The following ZNF683 variants were observed in gnomAD, a reference collection of about 807,000 sequenced individuals.
ZNF683 encodes tissue-resident T-cell transcription regulator protein ZNF683.
Under a neutral mutation model 31.4 loss-of-function variants are expected in ZNF683, and 20 were observed. The observed-to-expected ratio is 0.64, with a 90% CI of 0.45 to 0.93. The LOEUF (loss-of-function observed/expected upper bound fraction) is 0.93, where lower values mean the gene tolerates loss of function less well. Ranked by LOEUF, ZNF683 falls within the 40% of genes least tolerant of loss-of-function variation. The pLI, the probability that ZNF683 is intolerant of heterozygous loss-of-function variation, is 0.00. For missense variants in ZNF683, 621 were observed against 637.2 expected (o/e 0.97, Z 0.27); for synonymous variants, 264 against 267.6 (o/e 0.99, Z 0.13).
At chr1:26,370,864 C>T (rs114912413) in intron 1 of ZNF683, 9,556 of 291,878 alleles carry the variant, frequency 0.033, 228 homozygotes, top group Middle Eastern at 0.066. Context: ...ACTATCCACT[C>T]AGCTTTGCCT....
At chr1:26,367,564 G>T (rs754064341) in intron 3 of ZNF683, 29 bp downstream of exon 3, 13 of 1,525,608 alleles carry the variant, frequency 8.5e-6, no homozygotes, top group Admixed American at 6.3e-5. Flanking sequence ...TCTGCCAGGC[G>T]CAGGTGCAGC....
intron 1 of ZNF683, chr1:26,370,535 TA>T: frequency 1.7e-6 from 1 of 587,450 alleles, no homozygotes; most frequent in Non-Finnish European, 2.1e-6. Flanking sequence ...CCTCAGACCC[TA>T]AGACCCTCAC....
rs2074566557 is a variant in ZNF683 at position 26,367,813 on chromosome 1, A to G, written c.115-16T>C. 3 of 1,552,684 alleles carry G rather than the reference A, an allele frequency of 1.9e-6. No homozygotes were observed. Among genetic ancestry groups the G allele is most frequent in the East Asian group, 2.3e-5 (1 of 42,898 alleles). On this transcript the variant is annotated splice_polypyrimidine_tract_variant and intron_variant, in intron 2 of 5. Transcript: ENST00000349618. ...CTGAGAAGACCTGGAGGGCAGGGGCAAGGGGCTTGGGGGCTGGTGACTGGG... is the reference window on the plus strand; with the variant it reads ...CTGAGAAGACCTGGAGGGCAGGGGCGAGGGGCTTGGGGGCTGGTGACTGGG...
At chr1:26,374,268 C>A (rs2124228864), upstream of ZNF683, 1 of 1,304,256 alleles carries the variant, frequency 7.7e-7, no homozygotes, top group Non-Finnish European at 1.0e-6. Context: ...CAAGGCACTT[C>A]CCCACACACC....
At chr1:26,374,012 C>T (rs931522747), upstream of ZNF683, among the ~76,000 whole-genome samples, 9 of 151,720 alleles carry the variant, frequency 5.9e-5, 1 homozygote, top group East Asian at 1.9e-4. Context: ...TCCCCCACTA[C>T]GACAGCCACC....
chr1:26,369,340 C>T lies in ZNF683; in HGVS notation c.-14-755G>A, dbSNP rs112687302. 5.9e-3 allele frequency among the ~76,000 whole-genome samples: 898 copies of T among 152,248 alleles called. 2 individuals carry two copies. Among genetic ancestry groups the T allele is most frequent in the African/African-American group, 0.021 (853 of 41,540 alleles). The stretch of plus-strand genomic sequence containing the variant: ...AGGAGTTCGAGACCAGCCTGGCTAA[C>T]ATGGTGAAACCCCCATCTCTACTAA... On this transcript the variant is annotated intron_variant, in intron 1 of 5. Coordinates refer to ENST00000349618, the MANE Select transcript of ZNF683 (RefSeq NM_001114759.3).
Position 26,363,032 on chromosome 1 carries a change from C to T in ZNF683, c.1137G>A (p.Lys379=), listed in dbSNP as rs1407002765. 2.5e-5 allele frequency: 40 copies of T among 1,610,494 alleles called. No individual in the cohort carries two copies. The highest frequency in any genetic ancestry group is 3.4e-5 in the Non-Finnish European group (40 of 1,178,200). The change falls in exon 5 of 6, where the codon AAG becomes AAA. Residue 379 remains lysine (K), a synonymous_variant. Transcript: ENST00000349618. ...HLVHTGERPH[K]CSVCHKRFSS... is the part of the protein sequence containing the mutation. ...AGGGGGAGAAGGATCTCACCGAGCACTTGTGGGGCCGCTCCCCAGTGTGCA... is the reference window on the plus strand; with the variant it reads ...AGGGGGAGAAGGATCTCACCGAGCATTTGTGGGGCCGCTCCCCAGTGTGCA...
intron 5 of ZNF683, among the ~76,000 whole-genome samples, chr1:26,362,555 G>A (rs1325896169): frequency 6.6e-6 from 1 of 152,134 alleles, no homozygotes; most frequent in Non-Finnish European, 1.5e-5. Flanking sequence ...GCAGAGCTAG[G>A]ATTTGAACAC....
At chr1:26,374,423 C>A (rs1057433666), upstream of ZNF683, 1 of 1,207,864 alleles carries the variant, frequency 8.3e-7, no homozygotes, top group Non-Finnish European at 1.1e-6. Flanking sequence ...CCTGAAAGCT[C>A]CCTGGCTTGG....
rs762867348 is a variant in ZNF683, at chr1:26,368,566, C to T, written c.6G>A (p.Lys2=). M[K]EESAAQLGCC... is the part of the protein sequence containing the mutation. ...AACCTAATTGTGCAGCTGATTCTTC[C>T]TTCATATCCCCATTACCTGCTGGGA... The change falls in exon 2 of 6, where the codon AAG becomes AAA. Residue 2 remains lysine (K), a synonymous_variant. Transcript: ENST00000349618. The T allele has an allele frequency of 3.1e-6, 5 of 1,602,620 alleles. No homozygotes were observed. The South Asian group carries it at 4.5e-5, about 14-fold the overall frequency.
At chr1:26,371,778 A>G (rs1260015221) in intron 1 of ZNF683, among the ~76,000 whole-genome samples, 1 of 151,158 alleles carries the variant, frequency 6.6e-6, no homozygotes, top group Non-Finnish European at 1.5e-5. Flanking sequence ...CAAAAAATAC[A>G]AAAATTAGCC....
intron 2 of ZNF683, 77 bp from the exon 3 acceptor site, chr1:26,367,874 T>A (rs2124176710): frequency 8.1e-7 from 1 of 1,238,044 alleles, no homozygotes. Flanking sequence ...CTACCCCTAT[T>A]TTGTTTTCCA....
In ZNF683 at chr1:26,367,801, G is replaced by C. The variant is rs199724674; in HGVS notation, c.115-4C>G. 157 of 1,572,858 alleles carry C rather than the reference G, an allele frequency of 1.0e-4. No homozygotes were observed. The highest frequency in any genetic ancestry group is 8.6e-7 in the Non-Finnish European group (1 of 1,156,126). The stretch of plus-strand genomic sequence containing the variant: ...GTGGTCTGCAGGCTGAGAAGACCTG[G>C]AGGGCAGGGGCAAGGGGCTTGGGGG... On this transcript the variant is annotated splice_region_variant and splice_polypyrimidine_tract_variant and intron_variant, in intron 2 of 5. Coordinates refer to ENST00000349618, the MANE Select transcript of ZNF683 (RefSeq NM_001114759.3).
chr1:26,372,269 C>A (rs192332500), intron 1 of ZNF683, among the ~76,000 whole-genome samples: 50 of 152,270 alleles, frequency 3.3e-4, no homozygotes, highest in African/African-American at 1.1e-3. Flanking sequence ...CATAACTGAT[C>A]CCAACATGTT....
intron 3 of ZNF683, among the ~76,000 whole-genome samples, chr1:26,365,819 G>T (rs1302947899): frequency 2.0e-5 from 3 of 151,986 alleles, no homozygotes; most frequent in African/African-American, 7.3e-5. Context: ...GAGGCAGGAG[G>T]ATTGCTTAAG....
At chr1:26,366,342 C>CAAAAAAAAA (rs1173737722) in intron 3 of ZNF683, among the ~76,000 whole-genome samples, 6 of 69,000 alleles carry the variant, frequency 8.7e-5, no homozygotes, top group African/African-American at 2.8e-4. Flanking sequence ...CAGCCTATCT[C>CAAAAAAAAA]AAAAAAAAAA....
upstream of ZNF683, chr1:26,374,250 C>T (rs1343258765): frequency 6.9e-6 from 9 of 1,303,416 alleles, no homozygotes; most frequent in Admixed American, 6.9e-5. Flanking sequence ...GTGAAGTTTC[C>T]TCCCCTCCAA....
Position 26,361,837 on chromosome 1 carries a change from G to C in ZNF683, c.1329C>G (p.Ala443=). Reference sequence around the variant, plus strand: ...GCCATTGGGCAAGGCAGGCCAGAGAGGCCAGGGGCAGCTGGGTGTGCACCA... The same window carrying C: ...GCCATTGGGCAAGGCAGGCCAGAGACGCCAGGGGCAGCTGGGTGTGCACCA... ...CGLVHTQLPL[A]SLACLAQWHQ... is the part of the protein sequence containing the mutation. The change falls in exon 6 of 6, where the codon GCC becomes GCG. Residue 443 remains alanine, a synonymous_variant. Coordinates refer to ENST00000349618, the MANE Select transcript of ZNF683 (RefSeq NM_001114759.3). The C allele has an allele frequency of 1.2e-6, 2 of 1,614,058 alleles. No homozygotes were observed. Among genetic ancestry groups the C allele is most frequent in the Non-Finnish European group, 1.7e-6 (2 of 1,179,904 alleles).
intron 1 of ZNF683, among the ~76,000 whole-genome samples, chr1:26,370,040 G>A (rs1366468421): frequency 6.6e-6 from 1 of 152,102 alleles, no homozygotes; most frequent in East Asian, 1.9e-4. Flanking sequence ...TAGCCAATCA[G>A]AAGTGAAGAG....
Sources: allele counts gnomAD v4.1 joint callset (sites outside exome capture counted in the v4.1 genomes callset), GRCh38; gene constraint gnomAD v4.1.1; transcripts MANE v1.5; gene names NCBI Gene and HGNC (gene_info 2026-07-23, HGNC 2026-07-21).